AUTS2: variants seen among roughly 807,000 people sequenced by gnomAD.
The protein encoded by AUTS2 is autism susceptibility gene 2 protein.
In AUTS2, 17 loss-of-function variants were observed where a neutral mutation model predicts 112.4. The observed-to-expected ratio is 0.15, with a 90% CI of 0.10 to 0.23. The LOEUF (loss-of-function observed/expected upper bound fraction) is 0.23. AUTS2 is among the 10% of genes least tolerant of loss of function. The pLI is 1.00. For synonymous variants in AUTS2, 751 were observed against 702.7 expected, an observed-to-expected ratio of 1.07 and a Z score of -1.09; for missense variants, 1,510 against 1,701.6, an observed-to-expected ratio of 0.89 and a Z score of 1.98.
chr7:70,539,884 G>A (rs571415012), intron 5 of AUTS2, among the ~76,000 whole-genome samples: 29 of 152,266 alleles, frequency 1.9e-4, no homozygotes, highest in African/African-American at 5.8e-4. Flanking sequence ...TGTTCTGTGG[G>A]GGTTGGCACA....
chr7:70,583,304 T>C (rs2129527428), intron 5 of AUTS2, among the ~76,000 whole-genome samples: 1 of 152,352 alleles, frequency 6.6e-6, no homozygotes, highest in African/African-American at 2.4e-5. Context: ...GATAATCGCA[T>C]GGCAGCACCA....
intron 2 of AUTS2, among the ~76,000 whole-genome samples, chr7:70,019,068 A>G (rs1192718715): frequency 6.6e-6 from 1 of 152,252 alleles, no homozygotes; most frequent in East Asian, 1.9e-4. Context: ...ATACCATGGA[A>G]TACTCTGCAG....
At chr7:70,524,698 T>C (rs761972833) in intron 5 of AUTS2, among the ~76,000 whole-genome samples, 3 of 152,236 alleles carry the variant, frequency 2.0e-5, no homozygotes, top group Non-Finnish European at 2.9e-5. Flanking sequence ...GTTCATTAAA[T>C]GTTAATGGGT....
chr7:70,646,518 C>T (rs568737233), intron 5 of AUTS2, among the ~76,000 whole-genome samples: 1 of 152,298 alleles, frequency 6.6e-6, no homozygotes, highest in African/African-American at 2.4e-5. Context: ...ACAAAAACAC[C>T]CTGGCAGGCT....
At chr7:70,250,225 C>T (rs889411945) in intron 4 of AUTS2, among the ~76,000 whole-genome samples, 1 of 152,068 alleles carries the variant, frequency 6.6e-6, no homozygotes, top group Non-Finnish European at 1.5e-5. Flanking sequence ...ATGCCCTAAA[C>T]TTGGACTCAG....
chr7:70,556,666 G>C (rs546069727), intron 5 of AUTS2, among the ~76,000 whole-genome samples: 4 of 152,168 alleles, frequency 2.6e-5, no homozygotes, highest in African/African-American at 9.6e-5. Context: ...TCTGTCCTTG[G>C]ATCCCTTCTC....
chr7:69,626,121 G>A (rs1394362054), intron 1 of AUTS2, among the ~76,000 whole-genome samples: 3 of 152,114 alleles, frequency 2.0e-5, no homozygotes, highest in African/African-American at 4.8e-5. Context: ...AAATTGCAGG[G>A]AACCTTGTAG....
chr7:69,738,626 A>G (rs933575133), intron 1 of AUTS2, among the ~76,000 whole-genome samples: 2 of 152,136 alleles, frequency 1.3e-5, no homozygotes, highest in African/African-American at 4.8e-5. Flanking sequence ...TGGCAGGGCA[A>G]TTAAGTATGC....
intron 2 of AUTS2, among the ~76,000 whole-genome samples, chr7:70,017,726 T>C (rs1283675330): frequency 2.6e-5 from 4 of 152,112 alleles, no homozygotes; most frequent in African/African-American, 9.7e-5. Flanking sequence ...TGCGAAATGC[T>C]CACAGGAAAG....
At chr7:70,643,020 T>C (rs924488931) in intron 5 of AUTS2, among the ~76,000 whole-genome samples, 24 of 151,212 alleles carry the variant, frequency 1.6e-4, no homozygotes, top group African/African-American at 4.4e-4. Context: ...ATTTTTGATT[T>C]TTTAAATGTT....
chr7:70,160,570 A>G (rs1000588359), intron 4 of AUTS2, among the ~76,000 whole-genome samples: 2 of 152,200 alleles, frequency 1.3e-5, no homozygotes, highest in Non-Finnish European at 2.9e-5. Flanking sequence ...AGATGGTCTT[A>G]ACAAAGAGTT....
intron 2 of AUTS2, among the ~76,000 whole-genome samples, chr7:69,958,764 C>T (rs1024530485): frequency 5.3e-4 from 80 of 152,244 alleles, no homozygotes; most frequent in African/African-American, 1.8e-3. Context: ...GTGTCTGAGT[C>T]GGTAGGCCTG....
intron 5 of AUTS2, among the ~76,000 whole-genome samples, chr7:70,673,074 T>TC (rs1297728925): frequency 6.6e-6 from 1 of 152,216 alleles, no homozygotes; most frequent in Admixed American, 6.5e-5. Flanking sequence ...ACGGCACTAA[T>TC]CAGACTTCAG....
chr7:69,825,866 A>C (rs1242079869), intron 1 of AUTS2: 2 of 152,202 alleles, frequency 1.3e-5, no homozygotes, highest in Non-Finnish European at 2.9e-5. Context: ...TGTGCAACAT[A>C]AATTGTCAGG....
intron 4 of AUTS2, among the ~76,000 whole-genome samples, chr7:70,413,543 TG>T (rs1159299562): frequency 3.3e-5 from 5 of 152,230 alleles, no homozygotes; most frequent in African/African-American, 1.2e-4. Flanking sequence ...TTAATATCCC[TG>T]GGGGGTTATC....
chr7:70,429,721 AT>A (rs1366548643), intron 4 of AUTS2, among the ~76,000 whole-genome samples: 1 of 152,190 alleles, frequency 6.6e-6, no homozygotes, highest in African/African-American at 2.4e-5. Context: ...AAATCTAATA[AT>A]TTTTTAAATG....
At chr7:70,061,763 A>G (rs1041789604) in intron 2 of AUTS2, among the ~76,000 whole-genome samples, 2 of 151,684 alleles carry the variant, frequency 1.3e-5, no homozygotes, top group African/African-American at 4.8e-5. Context: ...TGTGGGTGGA[A>G]TTTAAGGGTT....
intron 2 of AUTS2, among the ~76,000 whole-genome samples, chr7:69,901,378 G>A (rs1381717629): frequency 6.6e-6 from 1 of 151,676 alleles, no homozygotes. Flanking sequence ...TTTTCTTCTA[G>A]ACGTGATCTG....
rs535809370 is a variant in AUTS2, at chr7:70,140,972, T to C, written c.660+6401T>C. 2.0e-5 allele frequency among the ~76,000 whole-genome samples: 3 copies of C among 152,318 alleles called. No homozygotes were observed. In the East Asian group the frequency reaches 5.8e-4, roughly 29 times the overall value. On this transcript the variant is annotated intron_variant, in intron 4 of 18. Transcript: ENST00000342771. The stretch of plus-strand genomic sequence containing the variant: ...GCATGGCTCTCAAGTCAAAGATATG[T>C]AGCTGAATTTGAAGCAAAGCAAACT...
Sources: allele counts gnomAD v4.1 joint callset (sites outside exome capture counted in the v4.1 genomes callset), GRCh38; gene constraint gnomAD v4.1.1; transcripts MANE v1.5; gene names NCBI Gene and HGNC (gene_info 2026-07-23, HGNC 2026-07-21).